Variants in ZNG1E observed in about 807,000 individuals in gnomAD.
ZNG1E encodes zinc-regulated GTPase metalloprotein activator 1E.
At chr9:65,684,938 C>T in the ZNG1E span, among the ~76,000 whole-genome samples, 1 of 152,018 alleles carries the variant, frequency 6.6e-6, no homozygotes. Context: ...GCCTGTAGTC[C>T]CAGCTACTTG....
the ZNG1E span, among the ~76,000 whole-genome samples, chr9:65,691,740 C>T: frequency 6.6e-6 from 1 of 151,994 alleles, no homozygotes; most frequent in Non-Finnish European, 1.5e-5. Flanking sequence ...ACACTCCTCC[C>T]TTACTTTATT....
At chr9:65,660,763 C>T in the ZNG1E span, among the ~76,000 whole-genome samples, 27 of 147,202 alleles carry the variant, frequency 1.8e-4, no homozygotes, top group Admixed American at 1.8e-3. Context: ...AGTATCCCTG[C>T]CAAAATTTAA....
chr9:65,664,156 A>T, the ZNG1E span, among the ~76,000 whole-genome samples: 1 of 152,002 alleles, frequency 6.6e-6, no homozygotes, highest in African/African-American at 2.4e-5. Flanking sequence ...ACATATTTAC[A>T]TATGTAATAC....
chr9:65,668,512 C>T, the ZNG1E span, among the ~76,000 whole-genome samples: 30 of 149,484 alleles, frequency 2.0e-4, no homozygotes, highest in African/African-American at 6.4e-4. Context: ...CATACACACA[C>T]ATATATATAT....
the ZNG1E span, among the ~76,000 whole-genome samples, chr9:65,687,576 C>A: frequency 4.6e-5 from 7 of 152,150 alleles, no homozygotes; most frequent in African/African-American, 1.7e-4. Flanking sequence ...ATGTTTTCTC[C>A]TTTTATTAGG....
At chr9:65,728,264 A>G in the ZNG1E span, among the ~76,000 whole-genome samples, 2 of 152,150 alleles carry the variant, frequency 1.3e-5, no homozygotes, top group African/African-American at 4.8e-5. Context: ...AGGAAAGTTC[A>G]TAGCCCTAAA....
chr9:65,684,569 C>T, the ZNG1E span, among the ~76,000 whole-genome samples: 2 of 149,942 alleles, frequency 1.3e-5, no homozygotes, highest in Admixed American at 6.6e-5. Flanking sequence ...CACACACACA[C>T]ATTCATACAC....
chr9:65,659,617 A>G, the ZNG1E span, among the ~76,000 whole-genome samples: 1 of 151,998 alleles, frequency 6.6e-6, no homozygotes, highest in South Asian at 2.1e-4. Flanking sequence ...CTGTGGACTT[A>G]GGCCAGATAG....
the ZNG1E span, among the ~76,000 whole-genome samples, chr9:65,725,220 C>T: frequency 1.4e-3 from 209 of 145,396 alleles, 2 homozygotes; most frequent in African/African-American, 5.2e-3. Flanking sequence ...TGCCCAACAG[C>T]TCATTTCTCT....
chr9:65,685,031 G>A, the ZNG1E span, among the ~76,000 whole-genome samples: 1 of 123,570 alleles, frequency 8.1e-6, no homozygotes, highest in Admixed American at 1.0e-4. Flanking sequence ...GACAGCATGA[G>A]ACCCCATTTC....
chr9:65,667,457 A>T, the ZNG1E span, among the ~76,000 whole-genome samples: 3 of 152,284 alleles, frequency 2.0e-5, no homozygotes, highest in African/African-American at 7.2e-5. Flanking sequence ...TCCATAACTG[A>T]AGTAAACTAG....
the ZNG1E span, among the ~76,000 whole-genome samples, chr9:65,675,324 C>G: frequency 3.3e-3 from 500 of 150,950 alleles, no homozygotes; most frequent in African/African-American, 0.012. Flanking sequence ...GATTAATGAA[C>G]TTAGATTACC....
chr9:65,679,746 G>A, the ZNG1E span, among the ~76,000 whole-genome samples: 1 of 152,224 alleles, frequency 6.6e-6, no homozygotes, highest in Non-Finnish European at 1.5e-5. Flanking sequence ...GTAGAGACAG[G>A]GTTTCACCAT....
chr9:65,657,213 C>T, the ZNG1E span, among the ~76,000 whole-genome samples: 9 of 152,012 alleles, frequency 5.9e-5, no homozygotes, highest in African/African-American at 1.2e-4. Context: ...AATCCCACTG[C>T]TAGATATATA....
At chr9:65,715,117 C>A in the ZNG1E span, among the ~76,000 whole-genome samples, 1 of 149,592 alleles carries the variant, frequency 6.7e-6, no homozygotes, top group Non-Finnish European at 1.5e-5. Context: ...GTTTTTCAAG[C>A]CCGTCGGAAA....
the ZNG1E span, among the ~76,000 whole-genome samples, chr9:65,686,886 G>A: frequency 1.3e-5 from 2 of 152,244 alleles, no homozygotes; most frequent in African/African-American, 4.8e-5. Flanking sequence ...AGAGAGTTAG[G>A]GTTGCTCTGA....
the ZNG1E span, chr9:65,719,859 T>G: frequency 9.5e-7 from 1 of 1,049,278 alleles, no homozygotes; most frequent in Non-Finnish European, 1.3e-6. Context: ...TTAAGAAATT[T>G]TAAAAAAACT....
the ZNG1E span, among the ~76,000 whole-genome samples, chr9:65,673,934 G>A: frequency 6.6e-6 from 1 of 152,300 alleles, no homozygotes; most frequent in Non-Finnish European, 1.5e-5. Flanking sequence ...AGGCAGTAAT[G>A]CAGTGCTGAA....
the ZNG1E span, among the ~76,000 whole-genome samples, chr9:65,685,237 G>C: frequency 1.3e-5 from 2 of 152,394 alleles, no homozygotes; most frequent in South Asian, 4.1e-4. Flanking sequence ...AATGTTGATG[G>C]GTGCTGACCA....
Sources: gnomAD v4.1 joint callset for allele counts (sites outside exome capture counted in the v4.1 genomes callset) on GRCh38, gnomAD v4.1.1 for gene constraint, MANE v1.5 for transcripts, NCBI Gene and HGNC (gene_info 2026-07-23, HGNC 2026-07-21) for gene names.